Variants in BMI1 observed in about 807,000 individuals in gnomAD.
BMI1 encodes polycomb complex protein BMI-1.
BMI1 carries 9 observed loss-of-function variants against 39.1 expected under a neutral mutation model. That is an observed-to-expected ratio of 0.23 (90% CI 0.14 to 0.40). The LOEUF is 0.40. BMI1 is among the 10% of genes least tolerant of loss of function. The pLI is 1.00. For missense variants in BMI1, 252 were observed against 390.8 expected, an observed-to-expected ratio of 0.64 and a Z score of 2.99; for synonymous variants, 131 against 127.9, an observed-to-expected ratio of 1.02 and a Z score of -0.16.
Position 22,329,775 on chromosome 10 carries a change from T to G in BMI1, c.*233T>G. ...TGGTTTCTTGGAAAGCAGGCAAGAC[T>G]TTTTCTCTGTGTTAGGAAAGATGGG... On this transcript the variant is annotated 3_prime_UTR_variant, in exon 10 of 10. Coordinates refer to ENST00000376663, the MANE Select transcript of BMI1 (RefSeq NM_005180.9). 1.9e-6 allele frequency: 1 copy of G among 529,982 alleles called. No homozygotes were observed. Among genetic ancestry groups the G allele is most frequent in the Non-Finnish European group, 3.3e-6 (1 of 307,062 alleles). 32.8% of individuals were successfully genotyped at this position (529,982 alleles called of 1,614,324 possible).
intron 7 of BMI1, 117 bp from the exon 8 acceptor site, chr10:22,328,483 G>A (rs1836209189): frequency 1.0e-6 from 1 of 1,003,364 alleles, no homozygotes; most frequent in African/African-American, 1.7e-5. Flanking sequence ...TAGTTGAGAG[G>A]TTGGTCACCT....
intron 1 of BMI1, among the ~76,000 whole-genome samples, 194 bp downstream of exon 1, chr10:22,321,890 C>T (rs1588617162): frequency 7.0e-6 from 1 of 143,524 alleles, no homozygotes; most frequent in African/African-American, 2.5e-5. Context: ...CGCGCGCCGC[C>T]CTCCCCGCGC....
chr10:22,324,280 C>T (rs1030145799), intron 1 of BMI1, among the ~76,000 whole-genome samples: 2 of 152,182 alleles, frequency 1.3e-5, no homozygotes, highest in African/African-American at 4.8e-5. Context: ...GAAATATCAG[C>T]TTGCTATCTT....
rs538115790 is a variant in BMI1 at position 22,327,828 on chromosome 10, G to T, written c.316+36G>T. 2.3e-4 allele frequency: 368 copies of T among 1,611,694 alleles called. 12 individuals are homozygous for T. The highest frequency in any genetic ancestry group is 2.1e-3 in the South Asian group (192 of 90,632). On this transcript the variant is annotated intron_variant, in intron 5 of 9. Transcript: ENST00000376663. Reference sequence around the variant, plus strand: ...TAGGGGAGGGAAGACATTTTATATGGGGGGAGAGCTTATCTAGGAATTAAA... The same window carrying T: ...TAGGGGAGGGAAGACATTTTATATGTGGGGAGAGCTTATCTAGGAATTAAA...
chr10:22,322,258 T>C (rs938291703), intron 1 of BMI1: 2 of 152,286 alleles, frequency 1.3e-5, no homozygotes, highest in African/African-American at 4.8e-5. Context: ...GAAAGGGCTC[T>C]GGAGGGGCTC....
rs191293061 is a variant in BMI1, at chr10:22,330,103, G to A, written c.*561G>A. The A allele has an allele frequency of 2.6e-5, 4 of 153,048 alleles. No individual in the cohort carries two copies. Among genetic ancestry groups the A allele is most frequent in the East Asian group, 3.9e-4 (2 of 5,190 alleles). The allele number at this position is 153,048 out of a possible 1,614,324, so 9.5% of individuals were successfully genotyped here. A position where few individuals can be genotyped will look rare whatever the true frequency, so the allele number is the denominator to read the frequency against. Reference sequence around the variant, plus strand: ...TACTTCTCTGTTGCTACGCAAAACCGATCAAAGAAAAGTGAACTTCAGTTT... The same window carrying A: ...TACTTCTCTGTTGCTACGCAAAACCAATCAAAGAAAAGTGAACTTCAGTTT... On this transcript the variant is annotated 3_prime_UTR_variant, in exon 10 of 10. Coordinates refer to ENST00000376663, the MANE Select transcript of BMI1 (RefSeq NM_005180.9).
chr10:22,331,193 T>C lies in BMI1; in HGVS notation c.*1651T>C, dbSNP rs1473892638. ...CCATTGTAAGTGTTGTTTCTAATTA[T>C]AGATGTAAAATGAAATTTCATTTGT... On this transcript the variant is annotated 3_prime_UTR_variant, in exon 10 of 10. Transcript: ENST00000376663. 1 of 152,546 alleles carries C rather than the reference T, an allele frequency of 6.6e-6. No individual in the cohort carries two copies. Among genetic ancestry groups the C allele is most frequent in the East Asian group, 1.9e-4 (1 of 5,208 alleles). 9.4% of individuals were successfully genotyped at this position (152,546 alleles called of 1,614,324 possible).
At chr10:22,328,972 T>C in intron 8 of BMI1, 76 bp from the exon 9 acceptor site, 2 of 1,417,068 alleles carry the variant, frequency 1.4e-6, no homozygotes, top group Non-Finnish European at 1.9e-6. Flanking sequence ...AAAGCACTTT[T>C]GGATTATATT....
chr10:22,323,210 A>T (rs1836052476), intron 1 of BMI1, among the ~76,000 whole-genome samples: 2 of 152,238 alleles, frequency 1.3e-5, no homozygotes, highest in African/African-American at 4.8e-5. Context: ...ATATGTTAAC[A>T]TTTGAGTTTT....
chr10:22,321,410 C>A lies in BMI1; in HGVS notation c.-306C>A. The A allele has an allele frequency of 6.2e-6, 1 of 161,002 alleles. No individual in the cohort carries two copies. Among genetic ancestry groups the A allele is most frequent in the South Asian group, 1.6e-4 (1 of 6,422 alleles). 10.0% of individuals were successfully genotyped at this position (161,002 alleles called of 1,614,324 possible). On this transcript the variant is annotated 5_prime_UTR_variant, in exon 1 of 10. Coordinates refer to ENST00000376663, the MANE Select transcript of BMI1 (RefSeq NM_005180.9). ...GCGGCCGAGGAGGAGGAGGAGGAGG[C>A]CCCGGAGGAGGAGGCGTTGGAGGTC...
At chr10:22,326,209 A>G in intron 1 of BMI1, 1 of 518,786 alleles carries the variant, frequency 1.9e-6, no homozygotes, top group Non-Finnish European at 3.3e-6. Context: ...ACCTACAGGA[A>G]TGATCTGAGA....
At chr10:22,327,832 G>A (rs376472987) in intron 5 of BMI1, 40 bp downstream of exon 5, 4 of 1,611,626 alleles carry the variant, frequency 2.5e-6, no homozygotes, top group Non-Finnish European at 3.4e-6. Context: ...TATATGGGGG[G>A]AGAGCTTATC....
chr10:22,328,015 G>A lies in BMI1; in HGVS notation c.382G>A (p.Asp128Asn). Residue 128 changes from aspartate to asparagine, a missense_variant, in exon 6 of 10, where the codon GAT (aspartate) becomes AAT (asparagine). By Grantham distance (23) the Asp-to-Asn change is conservative. Transcript: ENST00000376663. ...TGAAGATAAGAGAATTATAACTGAT[G>A]ATGAGATAATAAGCTTATCCATTGA... ...ADEDKRIITD[D>N]EIISLSIEFF... is the part of the protein sequence containing the mutation. 6.2e-7 allele frequency: 1 copy of A among 1,611,206 alleles called. No homozygotes were observed. Among genetic ancestry groups the A allele is most frequent in the Non-Finnish European group, 8.5e-7 (1 of 1,179,010 alleles).
Position 22,329,624 on chromosome 10 carries a change from A to G in BMI1, c.*82A>G. The G allele has an allele frequency of 2.0e-6, 3 of 1,466,838 alleles. No homozygotes were observed. The highest frequency in any genetic ancestry group is 1.8e-6 in the Non-Finnish European group (2 of 1,095,042). 90.9% of individuals were successfully genotyped at this position (1,466,838 alleles called of 1,614,324 possible). A position where few individuals can be genotyped will look rare whatever the true frequency, so the allele number is the denominator to read the frequency against. On this transcript the variant is annotated 3_prime_UTR_variant, in exon 10 of 10. Coordinates refer to ENST00000376663, the MANE Select transcript of BMI1 (RefSeq NM_005180.9). ...ATGCCATTACAGCTTTCTAGATGCT[A>G]ATACATGTGACTATCGTCCAATTTG...
chr10:22,327,939 T>C lies in BMI1; in HGVS notation c.317-11T>C. The C allele has an allele frequency of 1.9e-6, 3 of 1,590,686 alleles. No individual in the cohort carries two copies. The highest frequency in any genetic ancestry group is 2.6e-6 in the Non-Finnish European group (3 of 1,173,790). On this transcript the variant is annotated splice_polypyrimidine_tract_variant and intron_variant, in intron 5 of 9. Coordinates refer to ENST00000376663, the MANE Select transcript of BMI1 (RefSeq NM_005180.9). ...GATTTTTAAAAATTACATTTCACTA[T>C]ATCGTTATAGCTGCCAATGGCTCTA...
intron 3 of BMI1, among the ~76,000 whole-genome samples, chr10:22,327,278 A>G (rs1836178573): frequency 6.6e-6 from 1 of 152,232 alleles, no homozygotes; most frequent in Admixed American, 6.5e-5. Flanking sequence ...ACAGGCAGGA[A>G]TAAATATTTA....
intron 1 of BMI1, among the ~76,000 whole-genome samples, chr10:22,325,474 G>A (rs1293280112): frequency 6.6e-6 from 1 of 151,900 alleles, no homozygotes; most frequent in Non-Finnish European, 1.5e-5. Flanking sequence ...CAGGCTCCGG[G>A]GTCCCCGCCG....
intron 1 of BMI1, among the ~76,000 whole-genome samples, chr10:22,325,468 C>G (rs1375400158): frequency 1.3e-5 from 2 of 152,048 alleles, no homozygotes; most frequent in African/African-American, 4.8e-5. Flanking sequence ...CTGCCGCAGG[C>G]TCCGGGGTCC....
Position 22,329,746 on chromosome 10 carries a change from G to A in BMI1, c.*204G>A, listed in dbSNP as rs1311328586. The A allele has an allele frequency of 1.4e-5, 9 of 636,690 alleles. No individual in the cohort carries two copies. Among genetic ancestry groups the A allele is most frequent in the African/African-American group, 1.8e-5 (1 of 54,380 alleles). The allele number at this position is 636,690 out of a possible 1,614,324, so 39.4% of individuals were successfully genotyped here. ...TGAAAAGAAAGATTGTTGTTATAAA[G>A]AATTGGTTTCTTGGAAAGCAGGCAA... On this transcript the variant is annotated 3_prime_UTR_variant, in exon 10 of 10. Transcript: ENST00000376663.
Sources: gnomAD v4.1 joint callset for allele counts (sites outside exome capture counted in the v4.1 genomes callset) on GRCh38, gnomAD v4.1.1 for gene constraint, MANE v1.5 for transcripts, NCBI Gene and HGNC (gene_info 2026-07-23, HGNC 2026-07-21) for gene names.